Variants in NETO2 observed in about 807,000 individuals in gnomAD.
The protein encoded by NETO2 is neuropilin and tolloid-like protein 2.
NETO2 carries 28 observed loss-of-function variants against 62.5 expected under a neutral mutation model. The observed-to-expected ratio is 0.45, with a 90% CI of 0.33 to 0.61. NETO2 has a LOEUF of 0.61. Ranked by LOEUF, NETO2 falls within the 20% of genes least tolerant of loss-of-function variation. NETO2 has a pLI of 0.02. For missense variants in NETO2, 548 were observed against 643.2 expected, an observed-to-expected ratio of 0.85 and a Z score of 1.60; for synonymous variants, 214 against 219.1, an observed-to-expected ratio of 0.98 and a Z score of 0.21.
At position 47,122,646 on chromosome 16, in the gene NETO2, CATA is replaced by C. The variant is rs1254406853; in HGVS notation, c.654+8_654+10del. 2.5e-6 allele frequency: 4 copies of C among 1,611,246 alleles called. No individual in the cohort carries two copies. The highest frequency in any genetic ancestry group is 2.7e-5 in the African/African-American group (2 of 74,734). On this transcript the variant is annotated splice_region_variant and intron_variant, in intron 6 of 8. Coordinates refer to ENST00000562435, the MANE Select transcript of NETO2 (RefSeq NM_018092.5). Reference sequence around the variant, plus strand: ...TGTTCTTCTCTGAAGCGACTCAATACATAATAATACCTTAGCTTTTGGAGTGGC... The same window carrying C: ...TGTTCTTCTCTGAAGCGACTCAATACATAATACCTTAGCTTTTGGAGTGGC...
chr16:47,116,784 T>G (rs1963931515), intron 6 of NETO2, among the ~76,000 whole-genome samples: 1 of 152,230 alleles, frequency 6.6e-6, no homozygotes, highest in African/African-American at 2.4e-5. Flanking sequence ...AATTCATTTT[T>G]TGAATAAGCA....
At chr16:47,125,722 GCT>G (rs1174653411) in intron 4 of NETO2, among the ~76,000 whole-genome samples, 4 of 152,042 alleles carry the variant, frequency 2.6e-5, no homozygotes, top group African/African-American at 9.7e-5. Context: ...ACAGGGTGTT[GCT>G]CTGTCATCCA....
At chr16:47,086,066 A>G (rs1310623388) in intron 8 of NETO2, among the ~76,000 whole-genome samples, 160 bp downstream of exon 8, 1 of 152,212 alleles carries the variant, frequency 6.6e-6, no homozygotes, top group African/African-American at 2.4e-5. Flanking sequence ...AGATTGTGCC[A>G]CTGCACTCCA....
chr16:47,092,693 T>C (rs1001922989), intron 7 of NETO2, among the ~76,000 whole-genome samples: 4 of 152,220 alleles, frequency 2.6e-5, no homozygotes, highest in African/African-American at 9.6e-5. Flanking sequence ...GCATAGTTTT[T>C]TAAGTTTGAA....
chr16:47,138,364 C>G (rs980440217), intron 1 of NETO2, among the ~76,000 whole-genome samples: 4 of 152,234 alleles, frequency 2.6e-5, no homozygotes, highest in African/African-American at 7.2e-5. Flanking sequence ...CGTGCCACTG[C>G]ACTCCAGCCT....
intron 6 of NETO2, among the ~76,000 whole-genome samples, chr16:47,114,439 CTTTTTTTTTTTTT>C (rs33994080): frequency 2.6e-4 from 10 of 37,928 alleles, no homozygotes; most frequent in Middle Eastern, 0.025. Context: ...TTATAAATTT[CTTTTTTTTTTTTT>C]TTTTTTTTTT....
At chr16:47,140,998 G>T (rs973513388) in intron 1 of NETO2, among the ~76,000 whole-genome samples, 1 of 152,190 alleles carries the variant, frequency 6.6e-6, no homozygotes, top group Non-Finnish European at 1.5e-5. Context: ...CTTGACAGAA[G>T]ATTAACTCGA....
intron 4 of NETO2, among the ~76,000 whole-genome samples, chr16:47,124,517 C>T (rs1964114412): frequency 6.6e-6 from 1 of 152,140 alleles, no homozygotes; most frequent in South Asian, 2.1e-4. Flanking sequence ...ATTTTATTAA[C>T]ATGACTTGAA....
At chr16:47,097,111 C>T (rs775817457) in intron 7 of NETO2, among the ~76,000 whole-genome samples, 2 of 152,212 alleles carry the variant, frequency 1.3e-5, no homozygotes, top group African/African-American at 2.4e-5. Flanking sequence ...GGGCAGACAC[C>T]GAGCTACCTG....
intron 7 of NETO2, among the ~76,000 whole-genome samples, chr16:47,107,965 G>T (rs913682312): frequency 6.6e-6 from 1 of 151,904 alleles, no homozygotes; most frequent in Admixed American, 6.6e-5. Flanking sequence ...TAGTAGAGAT[G>T]GGGGTTTCCC....
At chr16:47,127,323 G>A (rs955170185) in intron 4 of NETO2, among the ~76,000 whole-genome samples, 6 of 152,146 alleles carry the variant, frequency 3.9e-5, no homozygotes, top group African/African-American at 1.4e-4. Context: ...CTCACCTACT[G>A]TGGGGCAGGT....
rs1161359102 is a variant in NETO2, at chr16:47,122,747, C to T, written c.564G>A (p.Val188=). ...CCTCTTGTTCTACCTGACTAGAGCG[C>T]ACTATTCCATCAGCTCCCGAGAGCT... is the stretch of plus-strand genomic sequence containing the variant. ...QFELSGADGI[V]RSSQVEQEEK... Residue 188 remains valine (V), a synonymous_variant, in exon 6 of 9, where the codon GTG becomes GTA. Transcript: ENST00000562435. 5 of 1,614,128 alleles carry T rather than the reference C, an allele frequency of 3.1e-6. No individual in the cohort carries two copies. The highest frequency in any genetic ancestry group is 1.3e-5 in the African/African-American group (1 of 75,018).
Position 47,143,784 on chromosome 16 carries a change from C to T in NETO2, c.-172G>A. Reference sequence around the variant, plus strand: ...GTCCTGCGGCCCGCCATGCCCGAGCCCCACAGTGGGCTCCCGCGCGGCCCG... The same window carrying T: ...GTCCTGCGGCCCGCCATGCCCGAGCTCCACAGTGGGCTCCCGCGCGGCCCG... On this transcript the variant is annotated 5_prime_UTR_variant, in exon 1 of 9. Coordinates refer to ENST00000562435, the MANE Select transcript of NETO2 (RefSeq NM_018092.5). The T allele has an allele frequency of 2.2e-6, 2 of 912,466 alleles. No homozygotes were observed. The highest frequency in any genetic ancestry group is 1.4e-6 in the Non-Finnish European group (1 of 707,156). The allele number at this position is 912,466 out of a possible 1,614,324, so 56.5% of individuals were successfully genotyped here. A position where few individuals can be genotyped will look rare whatever the true frequency, so the allele number is the denominator to read the frequency against.
intron 8 of NETO2, among the ~76,000 whole-genome samples, chr16:47,084,602 G>T (rs1279118304): frequency 6.6e-6 from 1 of 152,206 alleles, no homozygotes; most frequent in Non-Finnish European, 1.5e-5. Flanking sequence ...TAAACTCCTG[G>T]CTTGGAGGCA....
intron 1 of NETO2, among the ~76,000 whole-genome samples, chr16:47,143,230 T>C (rs928343712): frequency 6.6e-6 from 1 of 152,048 alleles, no homozygotes; most frequent in Non-Finnish European, 1.5e-5. Flanking sequence ...TCTCACAACT[T>C]TGCAAAGGGA....
rs1027273078 is a variant in NETO2, at chr16:47,078,516, T to C, written c.*4705A>G. 4 of 152,222 alleles carry C rather than the reference T, an allele frequency of 2.6e-5. No homozygotes were observed. The highest frequency in any genetic ancestry group is 9.6e-5 in the African/African-American group (4 of 41,464). 9.4% of individuals were successfully genotyped at this position (152,222 alleles called of 1,614,324 possible). A position where few individuals can be genotyped will look rare whatever the true frequency, so the allele number is the denominator to read the frequency against. On this transcript the variant is annotated 3_prime_UTR_variant, in exon 9 of 9. Coordinates refer to ENST00000562435, the MANE Select transcript of NETO2 (RefSeq NM_018092.5). ...TAGGCTTTGGTAGTCATTAAACCAATTGCAAAAATACATTTTTAAAAAGTT... is the reference window on the plus strand; with the variant it reads ...TAGGCTTTGGTAGTCATTAAACCAACTGCAAAAATACATTTTTAAAAAGTT...
chr16:47,119,823 G>A (rs1030437273), intron 6 of NETO2, among the ~76,000 whole-genome samples: 1 of 151,898 alleles, frequency 6.6e-6, no homozygotes, highest in African/African-American at 2.4e-5. Flanking sequence ...GTAATCTTTG[G>A]TTGCTGATTT....
At chr16:47,126,429 C>G (rs1964158541) in intron 4 of NETO2, among the ~76,000 whole-genome samples, 1 of 152,130 alleles carries the variant, frequency 6.6e-6, no homozygotes. Flanking sequence ...AATAGCAAGA[C>G]TAGGGAGATA....
intron 1 of NETO2, among the ~76,000 whole-genome samples, chr16:47,142,724 A>G (rs1015905884): frequency 2.6e-5 from 4 of 152,248 alleles, no homozygotes; most frequent in Non-Finnish European, 4.4e-5. Flanking sequence ...TTCAGGAGCA[A>G]CTTTGTATCC....
Sources: gnomAD v4.1 joint callset for allele counts (sites outside exome capture counted in the v4.1 genomes callset) on GRCh38, gnomAD v4.1.1 for gene constraint, MANE v1.5 for transcripts, NCBI Gene and HGNC (gene_info 2026-07-23, HGNC 2026-07-21) for gene names.